MSRA: variants seen among roughly 807,000 people sequenced by gnomAD.
The protein encoded by MSRA is mitochondrial peptide methionine sulfoxide reductase.
MSRA carries 54 observed loss-of-function variants against 31.3 expected under a neutral mutation model. That is an observed-to-expected ratio of 1.73 (90% confidence interval 1.39 to 2.17). The LOEUF (loss-of-function observed/expected upper bound fraction) is 2.17, where lower values mean the gene tolerates loss of function less well. Among genes scored for constraint, MSRA ranks in the 30% most tolerant of loss-of-function variants. The pLI is 0.00. For synonymous variants in MSRA, 169 were observed against 116.5 expected, an observed-to-expected ratio of 1.45 and a Z score of -2.90; for missense variants, 507 against 300.9, an observed-to-expected ratio of 1.69 and a Z score of -5.07.
At chr8:10,290,620 G>T (rs1303570754) in intron 3 of MSRA, among the ~76,000 whole-genome samples, 3 of 152,118 alleles carry the variant, frequency 2.0e-5, no homozygotes, top group Non-Finnish European at 4.4e-5. Context: ...GGGGTGGAGG[G>T]GGAGGCGTGA....
chr8:10,224,941 C>G (rs1262790837), intron 2 of MSRA, among the ~76,000 whole-genome samples: 2 of 152,176 alleles, frequency 1.3e-5, no homozygotes, highest in African/African-American at 4.8e-5. Context: ...GAGTTCAAGA[C>G]CAGCCTGGCC....
Position 10,283,160 on chromosome 8 carries a change from A to ACACACACACTCTCTCTCTCTCTCTCTCT in MSRA, c.332-18373_332-18372insACACACACTCTCTCTCTCTCTCTCTCTC. Among the ~76,000 whole-genome samples the ACACACACACTCTCTCTCTCTCTCTCTCT allele has an allele frequency of 4.4e-4, 62 of 140,306 alleles. 1 individual carries two copies. The highest frequency in any genetic ancestry group is 8.1e-4 in the African/African-American group (30 of 36,892). The allele number at this position is 140,306 out of a possible 152,430, so 92.0% of individuals were successfully genotyped here. A position where few individuals can be genotyped will look rare whatever the true frequency, so the allele number is the denominator to read the frequency against. ...CACACACACACACACACACACACACACTCTCACCCTTCTCTTTGCTGGGGA... is the reference window on the plus strand; with the variant it reads ...CACACACACACACACACACACACACACACACACACTCTCTCTCTCTCTCTCTCTCTCTCACCCTTCTCTTTGCTGGGGA... On this transcript the variant is annotated intron_variant, in intron 3 of 5. Transcript: ENST00000317173.
intron 2 of MSRA, among the ~76,000 whole-genome samples, chr8:10,222,500 C>T (rs539686556): frequency 6.6e-5 from 10 of 152,262 alleles, no homozygotes; most frequent in African/African-American, 2.4e-4. Flanking sequence ...AATTCTACTT[C>T]TTCATATCTA....
chr8:10,361,682 A>G (rs184198139), intron 5 of MSRA, among the ~76,000 whole-genome samples: 1 of 152,310 alleles, frequency 6.6e-6, no homozygotes, highest in East Asian at 1.9e-4. Flanking sequence ...AACACAACAC[A>G]ACAAAGCAAA....
At chr8:10,163,783 G>A (rs1005296142) in intron 1 of MSRA, among the ~76,000 whole-genome samples, 1 of 152,240 alleles carries the variant, frequency 6.6e-6, no homozygotes, top group Admixed American at 6.5e-5. Flanking sequence ...GACCCTCCAA[G>A]GGGGCCACAG....
At chr8:10,378,840 T>C (rs1197036981) in intron 5 of MSRA, among the ~76,000 whole-genome samples, 1 of 152,236 alleles carries the variant, frequency 6.6e-6, no homozygotes, top group Non-Finnish European at 1.5e-5. Flanking sequence ...TGAGAGCCAC[T>C]GCATCAGACT....
At chr8:10,305,307 A>G (rs956035091) in intron 4 of MSRA, among the ~76,000 whole-genome samples, 1 of 152,154 alleles carries the variant, frequency 6.6e-6, no homozygotes, top group African/African-American at 2.4e-5. Context: ...TAGGCTAAAC[A>G]GAGAACATTC....
intron 3 of MSRA, among the ~76,000 whole-genome samples, chr8:10,267,646 T>C (rs553418197): frequency 2.0e-4 from 31 of 152,086 alleles, no homozygotes; most frequent in African/African-American, 7.0e-4. Flanking sequence ...AGGAGAGAGA[T>C]ACAGGAAGGA....
chr8:10,418,545 A>G (rs868633444), intron 5 of MSRA, among the ~76,000 whole-genome samples: 41 of 152,222 alleles, frequency 2.7e-4, no homozygotes, highest in African/African-American at 8.4e-4. Context: ...CTTTGAAATT[A>G]TAAGCAAGTA....
At chr8:10,291,578 A>C (rs1800239281) in intron 3 of MSRA, among the ~76,000 whole-genome samples, 1 of 152,084 alleles carries the variant, frequency 6.6e-6, no homozygotes, top group South Asian at 2.1e-4. Context: ...GATGAAACCG[A>C]GCTGACATCT....
At chr8:10,189,140 C>T (rs1807302359) in intron 1 of MSRA, among the ~76,000 whole-genome samples, 1 of 152,084 alleles carries the variant, frequency 6.6e-6, no homozygotes, top group African/African-American at 2.4e-5. Context: ...TAAAGTACTT[C>T]TTTTAAAAAG....
chr8:10,258,755 C>T (rs1400512014), intron 3 of MSRA, among the ~76,000 whole-genome samples: 2 of 152,228 alleles, frequency 1.3e-5, no homozygotes, highest in African/African-American at 4.8e-5. Flanking sequence ...TTGGCAAAAC[C>T]AGGCTTTCCC....
At chr8:10,308,571 T>C (rs1801266090) in intron 4 of MSRA, among the ~76,000 whole-genome samples, 1 of 152,208 alleles carries the variant, frequency 6.6e-6, no homozygotes, top group Admixed American at 6.5e-5. Flanking sequence ...CCCGATTTCT[T>C]TGGGATGAGA....
chr8:10,226,697 A>G (rs1322848408), intron 2 of MSRA, among the ~76,000 whole-genome samples: 1 of 151,912 alleles, frequency 6.6e-6, no homozygotes, highest in Non-Finnish European at 1.5e-5. Flanking sequence ...ATATATGAGT[A>G]TATATATATG....
At chr8:10,191,275 C>T (rs371256138) in intron 1 of MSRA, among the ~76,000 whole-genome samples, 3 of 152,000 alleles carry the variant, frequency 2.0e-5, no homozygotes, top group African/African-American at 7.3e-5. Flanking sequence ...GAAAAGAGAC[C>T]CCAGACTCAC....
intron 5 of MSRA, among the ~76,000 whole-genome samples, chr8:10,406,032 T>C (rs1489767942): frequency 6.6e-6 from 1 of 152,348 alleles, no homozygotes; most frequent in East Asian, 1.9e-4. Context: ...CTGCAGTGAG[T>C]GTGCTTTCCA....
At chr8:10,062,949 A>T (rs1225538596) in intron 1 of MSRA, among the ~76,000 whole-genome samples, 3 of 152,178 alleles carry the variant, frequency 2.0e-5, no homozygotes, top group African/African-American at 7.2e-5. Flanking sequence ...AAGAAGTCAG[A>T]AGGGTAAGAG....
At chr8:10,316,575 C>CTCTCT (rs1801739607) in intron 4 of MSRA, among the ~76,000 whole-genome samples, 1 of 120,586 alleles carries the variant, frequency 8.3e-6, no homozygotes, top group Non-Finnish European at 1.8e-5. Context: ...TCTCTCTCTC[C>CTCTCT]TTCCTCCTCC....
At chr8:10,406,811 A>G (rs1284498476) in intron 5 of MSRA, among the ~76,000 whole-genome samples, 2 of 152,226 alleles carry the variant, frequency 1.3e-5, no homozygotes, top group Non-Finnish European at 2.9e-5. Flanking sequence ...AGGAACCAAG[A>G]TGAGGCCCAT....
Sources: allele counts gnomAD v4.1 joint callset (sites outside exome capture counted in the v4.1 genomes callset), GRCh38; gene constraint gnomAD v4.1.1; transcripts MANE v1.5; gene names NCBI Gene and HGNC (gene_info 2026-07-23, HGNC 2026-07-21).